Variants in ZNF385D observed in about 807,000 individuals in gnomAD.
The protein encoded by ZNF385D is zinc finger protein 659.
A neutral mutation model predicts 35.8 loss-of-function variants in ZNF385D; 15 were observed. The ratio of observed to expected loss-of-function variants is 0.42; its 90% CI spans 0.28 to 0.64. The LOEUF (loss-of-function observed/expected upper bound fraction) is 0.64, where lower values mean the gene tolerates loss of function less well. Among genes scored for constraint, ZNF385D ranks in the 30% least tolerant of loss-of-function variants. The pLI, the probability that ZNF385D is intolerant of heterozygous loss-of-function variation, is 0.23. For synonymous variants in ZNF385D, 212 were observed against 186.8 expected, an observed-to-expected ratio of 1.13 and a Z score of -1.10; for missense variants, 474 against 494.6, an observed-to-expected ratio of 0.96 and a Z score of 0.39.
At chr3:22,213,813 T>A (rs1160131605) in intron 2 of ZNF385D, among the ~76,000 whole-genome samples, 1 of 152,048 alleles carries the variant, frequency 6.6e-6, no homozygotes, top group Non-Finnish European at 1.5e-5. Flanking sequence ...ACTAAAATCA[T>A]AAGAGACTAA....
intron 1 of ZNF385D, among the ~76,000 whole-genome samples, chr3:21,738,559 G>A (rs73822031): frequency 0.012 from 1,880 of 152,174 alleles, 39 homozygotes; most frequent in African/African-American, 0.043. Context: ...CAACTGATTC[G>A]GAAGCTGAGG....
At chr3:21,576,793 A>G (rs2063508541) in intron 2 of ZNF385D, among the ~76,000 whole-genome samples, 1 of 152,210 alleles carries the variant, frequency 6.6e-6, no homozygotes. Context: ...AGAAAAAAGA[A>G]AGGGAAGAAA....
intron 2 of ZNF385D, among the ~76,000 whole-genome samples, chr3:22,225,106 T>C (rs920492248): frequency 3.3e-5 from 5 of 152,342 alleles, no homozygotes; most frequent in Middle Eastern, 3.4e-3. Context: ...GTCACACTTT[T>C]ACACAAAATT....
intron 3 of ZNF385D, among the ~76,000 whole-genome samples, chr3:21,818,337 A>G (rs541884469): frequency 6.6e-6 from 1 of 152,322 alleles, no homozygotes; most frequent in East Asian, 1.9e-4. Flanking sequence ...AATAATAACA[A>G]AAGATACTTA....
intron 2 of ZNF385D, among the ~76,000 whole-genome samples, chr3:22,365,667 T>C (rs1696625637): frequency 6.6e-6 from 1 of 152,138 alleles, no homozygotes; most frequent in South Asian, 2.1e-4. Flanking sequence ...AAAACAAGAA[T>C]GGTTATTACT....
rs530389658 is a variant in ZNF385D, at chr3:22,129,031, T to C, written c.325+39786A>G. Among the ~76,000 whole-genome samples the C allele has an allele frequency of 4.5e-4, 68 of 152,290 alleles. 1 individual carries two copies. The South Asian group carries it at 0.013, about 30-fold the overall frequency. Reference sequence around the variant, plus strand: ...TCTAAGTCTTTGGTCACTGCAGCCATATGGGCATTAGGCAGCACCCTATGC... The same window carrying C: ...TCTAAGTCTTTGGTCACTGCAGCCACATGGGCATTAGGCAGCACCCTATGC... On this transcript the variant is annotated intron_variant, in intron 3 of 5. Coordinates refer to the ZNF385D transcript ENST00000494108.
intron 2 of ZNF385D, among the ~76,000 whole-genome samples, chr3:22,197,401 G>C (rs895798839): frequency 3.3e-5 from 5 of 151,910 alleles, no homozygotes; most frequent in Non-Finnish European, 7.4e-5. Context: ...ATTTGTTCCA[G>C]ATATTTTAGT....
chr3:22,190,824 A>G (rs746340369), intron 2 of ZNF385D, among the ~76,000 whole-genome samples: 1 of 152,068 alleles, frequency 6.6e-6, no homozygotes, highest in Non-Finnish European at 1.5e-5. Context: ...CCATTCTTAT[A>G]ATTTGGGGTG....
intron 2 of ZNF385D, among the ~76,000 whole-genome samples, chr3:22,216,688 T>C (rs1697909214): frequency 6.6e-6 from 1 of 152,158 alleles, no homozygotes; most frequent in Admixed American, 6.6e-5. Flanking sequence ...TGTAGTAAAG[T>C]CTGCTTGCAG....
chr3:22,039,308 A>G (rs151197848), intron 3 of ZNF385D, among the ~76,000 whole-genome samples: 1 of 151,194 alleles, frequency 6.6e-6, no homozygotes, highest in African/African-American at 2.4e-5. Flanking sequence ...TGTTAGGGGC[A>G]GATGGCATGC....
intron 3 of ZNF385D, among the ~76,000 whole-genome samples, chr3:21,517,292 C>T (rs1358400222): frequency 3.9e-5 from 6 of 152,072 alleles, no homozygotes; most frequent in African/African-American, 9.6e-5. Context: ...TGAAGCCAAA[C>T]GACTGCCGAG....
At chr3:21,779,367 AATAT>A (rs56151542) in intron 3 of ZNF385D, among the ~76,000 whole-genome samples, 47,525 of 151,326 alleles carry the variant, frequency 0.31, 7,737 homozygotes, top group Non-Finnish European at 0.35. Context: ...GTGGAAAGAT[AATAT>A]ATATATATAT....
chr3:21,459,657 G>A lies in ZNF385D; in HGVS notation c.440-22454C>T, dbSNP rs377044924. Among the ~76,000 whole-genome samples, 9 of 152,180 alleles carry A rather than the reference G, an allele frequency of 5.9e-5. No individual in the cohort carries two copies. The South Asian group carries it at 1.7e-3, about 28-fold the overall frequency. On this transcript the variant is annotated intron_variant, in intron 4 of 7. Transcript: ENST00000281523. ...TATCAAGAAAGTATTCCACCATGCC[G>A]AGGACATTTTAGTTTTAAACAACAT... is the stretch of plus-strand genomic sequence containing the variant.
exon 3 of ZNF385D, chr3:22,168,903 G>A (rs1706509609): frequency 1.0e-6 from 1 of 985,736 alleles, no homozygotes; most frequent in Non-Finnish European, 1.2e-6. Context: ...TGCTTGAGCG[G>A]CTGAATTCAG....
At chr3:22,372,149 G>A (rs540966800) in intron 2 of ZNF385D, among the ~76,000 whole-genome samples, 1 of 152,042 alleles carries the variant, frequency 6.6e-6, no homozygotes, top group South Asian at 2.1e-4. Context: ...CCTGCCCCTT[G>A]GTTCTCGGCA....
At chr3:21,456,253 T>C (rs1002964513) in intron 4 of ZNF385D, among the ~76,000 whole-genome samples, 1 of 152,172 alleles carries the variant, frequency 6.6e-6, no homozygotes, top group African/African-American at 2.4e-5. Flanking sequence ...CCCAAAGGAT[T>C]ATAAATCATG....
chr3:22,168,703 A>C (rs1214704242), intron 3 of ZNF385D: 8 of 620,162 alleles, frequency 1.3e-5, no homozygotes, highest in African/African-American at 2.0e-5. Flanking sequence ...AATTTTAAGT[A>C]ATATTTTTCC....
intron 3 of ZNF385D, among the ~76,000 whole-genome samples, chr3:22,137,628 G>C (rs1704231394): frequency 6.6e-6 from 1 of 152,154 alleles, no homozygotes; most frequent in South Asian, 2.1e-4. Context: ...AGCCCTTCAT[G>C]CTAAAAGCTC....
intron 3 of ZNF385D, among the ~76,000 whole-genome samples, chr3:22,062,647 T>A (rs921084079): frequency 1.3e-5 from 2 of 152,182 alleles, no homozygotes; most frequent in Admixed American, 1.3e-4. Context: ...CACTCTATCT[T>A]CCTTCCACGT....
Sources: allele counts gnomAD v4.1 joint callset (sites outside exome capture counted in the v4.1 genomes callset), GRCh38; gene constraint gnomAD v4.1.1; transcripts MANE v1.5; gene names NCBI Gene and HGNC (gene_info 2026-07-23, HGNC 2026-07-21).